Variants in PPP1R9A observed in about 807,000 individuals in gnomAD.
PPP1R9A encodes the protein protein phosphatase 1 regulatory subunit 9A.
In PPP1R9A, 59 loss-of-function variants were observed where a neutral mutation model predicts 141.9. The ratio of observed to expected loss-of-function variants is 0.42; its 90% CI spans 0.34 to 0.52. PPP1R9A has a LOEUF of 0.52. Among genes scored for constraint, PPP1R9A ranks in the 20% least tolerant of loss-of-function variants. The pLI, the probability that PPP1R9A is intolerant of heterozygous loss-of-function variation, is 0.10. For missense variants in PPP1R9A, 1,444 were observed against 1,611.9 expected, an observed-to-expected ratio of 0.90 and a Z score of 1.78; for synonymous variants, 500 against 569.7, an observed-to-expected ratio of 0.88 and a Z score of 1.74.
At chr7:95,234,136 A>T (rs1428497553) in intron 8 of PPP1R9A, among the ~76,000 whole-genome samples, 1 of 152,180 alleles carries the variant, frequency 6.6e-6, no homozygotes, top group Admixed American at 6.5e-5. Context: ...AAGGATGCCC[A>T]CTTTCAGTAC....
rs180816514 is a variant in PPP1R9A at position 95,169,608 on chromosome 7, A to G, written c.1754+7637A>G. 3.1e-3 allele frequency among the ~76,000 whole-genome samples: 473 copies of G among 152,094 alleles called. 1 individual carries two copies. Among genetic ancestry groups the G allele is most frequent in the Admixed American group, 7.3e-3 (112 of 15,250 alleles). ...CCAGATACCCTGATTTGGTCATTAT[A>G]CAGTATAGCATGTAAGAAAATGTCA... is the stretch of plus-strand genomic sequence containing the variant. On this transcript the variant is annotated intron_variant, in intron 5 of 19. Coordinates refer to ENST00000433360, the MANE Select transcript of PPP1R9A (RefSeq NM_001166160.2).
At position 95,212,541 on chromosome 7, in the gene PPP1R9A, A is replaced by T. The variant is rs149103222; in HGVS notation, c.1956+8811A>T. On this transcript the variant is annotated intron_variant, in intron 7 of 19. Transcript: ENST00000433360. ...ATGAGCCCTACAGGCAATTGTCCTT[A>T]TGATTAAAGTCATTTAATCAGATAA... 9.9e-5 allele frequency among the ~76,000 whole-genome samples: 15 copies of T among 152,280 alleles called. No homozygotes were observed. The East Asian group carries it at 2.9e-3, about 29-fold the overall frequency.
chr7:95,061,735 G>A (rs1020131608), intron 2 of PPP1R9A, among the ~76,000 whole-genome samples: 17 of 152,120 alleles, frequency 1.1e-4, no homozygotes, highest in East Asian at 3.9e-4. Flanking sequence ...ACCCTGTGTC[G>A]AATGAATGAA....
At chr7:95,153,905 C>T (rs1163442421) in intron 4 of PPP1R9A, among the ~76,000 whole-genome samples, 2 of 152,084 alleles carry the variant, frequency 1.3e-5, no homozygotes, top group South Asian at 2.1e-4. Flanking sequence ...CCATTTCCTC[C>T]AACTTTCCAG....
chr7:95,202,694 T>G, intron 6 of PPP1R9A: 5 of 463,456 alleles, frequency 1.1e-5, no homozygotes, highest in Non-Finnish European at 1.4e-5. Flanking sequence ...CTTGTCATAC[T>G]CCACCACTAT....
chr7:95,279,430 T>A (rs1395967971), intron 16 of PPP1R9A, among the ~76,000 whole-genome samples: 1 of 152,228 alleles, frequency 6.6e-6, no homozygotes, highest in Non-Finnish European at 1.5e-5. Context: ...GTAGTCATTT[T>A]CATGGAGACC....
intron 12 of PPP1R9A, among the ~76,000 whole-genome samples, chr7:95,253,468 G>A (rs958715413): frequency 2.0e-5 from 3 of 152,126 alleles, no homozygotes; most frequent in African/African-American, 4.8e-5. Context: ...CATTCACTGG[G>A]TTTATATCCT....
chr7:94,992,223 A>G (rs1378088404), intron 2 of PPP1R9A, among the ~76,000 whole-genome samples: 3 of 152,180 alleles, frequency 2.0e-5, no homozygotes, highest in African/African-American at 7.2e-5. Context: ...CTAGGATTGT[A>G]TATAAATGGA....
At chr7:95,059,135 A>T (rs1408125153) in intron 2 of PPP1R9A, among the ~76,000 whole-genome samples, 3 of 152,016 alleles carry the variant, frequency 2.0e-5, no homozygotes, top group Non-Finnish European at 2.9e-5. Flanking sequence ...TATCACCTCC[A>T]TGTGTTTTTT....
At chr7:95,134,650 G>A (rs917817372) in intron 4 of PPP1R9A, among the ~76,000 whole-genome samples, 2 of 152,062 alleles carry the variant, frequency 1.3e-5, no homozygotes, top group Admixed American at 6.5e-5. Context: ...GGTCAAGCTG[G>A]TCTCAAACTC....
intron 10 of PPP1R9A, among the ~76,000 whole-genome samples, chr7:95,250,897 AGACT>A (rs1015562495): frequency 4.6e-5 from 7 of 152,074 alleles, no homozygotes; most frequent in Non-Finnish European, 8.8e-5. Flanking sequence ...AATGTCACGG[AGACT>A]GACCACGGAG....
At chr7:94,992,331 G>T (rs995043892) in intron 2 of PPP1R9A, among the ~76,000 whole-genome samples, 1 of 152,250 alleles carries the variant, frequency 6.6e-6, no homozygotes, top group South Asian at 2.1e-4. Flanking sequence ...CTTGTTGCTA[G>T]CTAGGATTCT....
chr7:95,247,583 T>G, intron 9 of PPP1R9A, 57 bp downstream of exon 9: 2 of 1,372,778 alleles, frequency 1.5e-6, no homozygotes, highest in Non-Finnish European at 2.1e-6. Flanking sequence ...ATACTATGAA[T>G]AAATCCAATC....
chr7:95,159,646 G>T (rs908413059), intron 4 of PPP1R9A, among the ~76,000 whole-genome samples: 1 of 151,934 alleles, frequency 6.6e-6, no homozygotes. Flanking sequence ...GACTCGGGCC[G>T]ACCGTGGTGG....
At chr7:94,997,593 A>G (rs1802358505) in intron 2 of PPP1R9A, among the ~76,000 whole-genome samples, 1 of 152,204 alleles carries the variant, frequency 6.6e-6, no homozygotes, top group East Asian at 1.9e-4. Flanking sequence ...GAACTCAAGC[A>G]TCTTGCAGCC....
intron 4 of PPP1R9A, among the ~76,000 whole-genome samples, chr7:95,144,384 T>C (rs186975366): frequency 1.1e-4 from 16 of 152,330 alleles, no homozygotes; most frequent in Admixed American, 9.2e-4. Flanking sequence ...ATTTTCTTTA[T>C]CCATTTATCC....
intron 3 of PPP1R9A, among the ~76,000 whole-genome samples, chr7:95,113,009 G>A (rs544601559): frequency 2.0e-5 from 3 of 152,156 alleles, no homozygotes; most frequent in Non-Finnish European, 2.9e-5. Flanking sequence ...TACACTAAAA[G>A]CCCAGACTCA....
chr7:95,228,866 A>G (rs184648831), intron 8 of PPP1R9A, among the ~76,000 whole-genome samples: 5 of 152,260 alleles, frequency 3.3e-5, no homozygotes, highest in East Asian at 3.9e-4. Context: ...TATTCATTAT[A>G]TAAGTCACAT....
chr7:95,004,399 G>A (rs1803331644), intron 2 of PPP1R9A, among the ~76,000 whole-genome samples: 1 of 152,082 alleles, frequency 6.6e-6, no homozygotes, highest in East Asian at 1.9e-4. Flanking sequence ...CCTCTTTTAA[G>A]TCTGTGAGAC....
Sources: gnomAD v4.1 joint callset for allele counts (sites outside exome capture counted in the v4.1 genomes callset) on GRCh38, gnomAD v4.1.1 for gene constraint, MANE v1.5 for transcripts, NCBI Gene and HGNC (gene_info 2026-07-23, HGNC 2026-07-21) for gene names.